PSORS1C1: variants seen among roughly 807,000 people sequenced by gnomAD.
The protein encoded by PSORS1C1 is psoriasis susceptibility 1 candidate 1, also known as psoriasis susceptibility 1 candidate gene 1 protein.
In PSORS1C1, 7 loss-of-function variants were observed where a neutral mutation model predicts 9.4. That is an observed-to-expected ratio of 0.75 (90% CI 0.42 to 1.40). The LOEUF (loss-of-function observed/expected upper bound fraction) is 1.40, where lower values mean the gene tolerates loss of function less well. Ranked by LOEUF, PSORS1C1 falls within the 40% of genes most tolerant of loss-of-function variation. The pLI is 0.01. For synonymous variants in PSORS1C1, 63 were observed against 69.4 expected (o/e 0.91, Z 0.46); for missense variants, 146 against 178.1 (o/e 0.82, Z 1.02).
intron 1 of PSORS1C1, chr6:31,116,131 G>A (rs748019758): frequency 6.2e-7 from 1 of 1,611,024 alleles, no homozygotes; most frequent in Non-Finnish European, 8.5e-7. Context: ...GGAGCGGCAG[G>A]GGATCTTTCC....
In PSORS1C1 at chr6:31,139,503, G is replaced by T; in HGVS notation, c.168-138G>T. ...TGCTTTTCAAACCTGGGATGCAGCT[G>T]GGACAGTGTCAGCTACTACCCCAGC... is the stretch of plus-strand genomic sequence containing the variant. On this transcript the variant is annotated intron_variant, in intron 5 of 5. Coordinates refer to ENST00000259881, the MANE Select transcript of PSORS1C1 (RefSeq NM_014068.3). This position sits in a 1 kb window ranked among gnomAD's most constrained non-coding sequence, Gnocchi z 5.2. 1.3e-6 allele frequency: 1 copy of T among 753,502 alleles called. No homozygotes were observed. Among genetic ancestry groups the T allele is most frequent in the South Asian group, 1.8e-5 (1 of 55,188 alleles). The allele number at this position is 753,502 out of a possible 1,614,324, so 46.7% of individuals were successfully genotyped here. A position where few individuals can be genotyped will look rare whatever the true frequency, so the allele number is the denominator to read the frequency against.
At chr6:31,132,101 G>A (rs571423172) in intron 3 of PSORS1C1, among the ~76,000 whole-genome samples, 6 of 152,258 alleles carry the variant, frequency 3.9e-5, no homozygotes, top group Admixed American at 3.3e-4. Flanking sequence ...TTAGCCAGAC[G>A]TGGTGGCATG....
Position 31,116,745 on chromosome 6 carries a change from G to A in PSORS1C1, c.-229+1854G>A, listed in dbSNP as rs747535254. Reference sequence around the variant, plus strand: ...CCACCTCGTAGCCACCATAGGATTTGTCTACAGAGGTGATTGGGGGACAGG... The same window carrying A: ...CCACCTCGTAGCCACCATAGGATTTATCTACAGAGGTGATTGGGGGACAGG... On this transcript the variant is annotated intron_variant, in intron 1 of 5. Coordinates refer to ENST00000259881, the MANE Select transcript of PSORS1C1 (RefSeq NM_014068.3). The A allele has an allele frequency of 5.0e-6, 8 of 1,612,932 alleles. No homozygotes were observed. The African/African-American group carries it at 1.1e-4, about 22-fold the overall frequency.
chr6:31,129,430 G>A (rs1356895100), intron 2 of PSORS1C1, 139 bp from the exon 3 acceptor site: 1 of 601,474 alleles, frequency 1.7e-6, no homozygotes, highest in African/African-American at 1.9e-5. Flanking sequence ...ATACCATCCA[G>A]GCCCACTCAG....
rs1356949050 is a variant in PSORS1C1, at chr6:31,128,067, T to C, written c.-64-1502T>C. On this transcript the variant is annotated intron_variant, in intron 2 of 5. Transcript: ENST00000259881. This position sits in a 1 kb window ranked among gnomAD's most constrained non-coding sequence, Gnocchi z 4.3. ...CAGGGAGAGAATGTGTAAATGATGATCGTGAGGTCCACTTGGACAGGCAGC... is the reference window on the plus strand; with the variant it reads ...CAGGGAGAGAATGTGTAAATGATGACCGTGAGGTCCACTTGGACAGGCAGC... 3.3e-5 allele frequency among the ~76,000 whole-genome samples: 5 copies of C among 152,164 alleles called. No homozygotes were observed. Among genetic ancestry groups the C allele is most frequent in the Admixed American group, 1.3e-4 (2 of 15,278 alleles).
rs896643491 is a variant in PSORS1C1, at chr6:31,115,986, T to C, written c.-229+1095T>C. 3 of 1,566,838 alleles carry C rather than the reference T, an allele frequency of 1.9e-6. No individual in the cohort carries two copies. Among genetic ancestry groups the C allele is most frequent in the Admixed American group, 1.7e-5 (1 of 59,800 alleles). On this transcript the variant is annotated intron_variant, in intron 1 of 5. Transcript: ENST00000259881. The surrounding 1 kb of genome is among the most constrained non-coding windows in gnomAD (Gnocchi z 4.2). ...ATATGGGATATAGTGTATGTGCTTG[T>C]TTGTGCCCAAGGCATGCACACACAC...
At position 31,139,554 on chromosome 6, in the gene PSORS1C1, G is replaced by A. The variant is rs763378142; in HGVS notation, c.168-87G>A. On this transcript the variant is annotated intron_variant, in intron 5 of 5. Transcript: ENST00000259881. This position sits in a 1 kb window ranked among gnomAD's most constrained non-coding sequence, Gnocchi z 5.2. ...CTCCCCACTCACCCCCGCACTGAAA[G>A]CTCCCCCTGGGGCTTCGTGCTTTCC... is the stretch of plus-strand genomic sequence containing the variant. 1 of 1,370,342 alleles carries A rather than the reference G, an allele frequency of 7.3e-7. No homozygotes were observed. Among genetic ancestry groups the A allele is most frequent in the Non-Finnish European group, 1.0e-6 (1 of 999,864 alleles). The allele number at this position is 1,370,342 out of a possible 1,614,324, so 84.9% of individuals were successfully genotyped here.
At chr6:31,126,377 G>T (rs9263701) in intron 2 of PSORS1C1, among the ~76,000 whole-genome samples, 36,890 of 152,084 alleles carry the variant, frequency 0.24, 4,810 homozygotes, top group Middle Eastern at 0.37. Flanking sequence ...AACCCTAGGG[G>T]GTTCTGTTAG....
chr6:31,138,099 C>A, intron 3 of PSORS1C1: 1 of 1,599,822 alleles, frequency 6.3e-7, no homozygotes, highest in Non-Finnish European at 8.5e-7. Context: ...AGGATCCGTT[C>A]TAGGCGGTTC....
chr6:31,117,111 G>GAAGCTGCTGCTGCTGAACTGA, intron 1 of PSORS1C1: 1 of 1,614,134 alleles, frequency 6.2e-7, no homozygotes, highest in Non-Finnish European at 8.5e-7. Flanking sequence ...TCCCTACTTG[G>GAAGCTGCTGCTGCTGAACTGA]AAGCTGCTGC....
chr6:31,117,165 G>C, intron 1 of PSORS1C1: 1 of 1,613,554 alleles, frequency 6.2e-7, no homozygotes. Context: ...GAGAGCTGCT[G>C]CTTCCCGAGT....
At chr6:31,119,670 G>A (rs889568963) in intron 1 of PSORS1C1, among the ~76,000 whole-genome samples, 14 of 152,164 alleles carry the variant, frequency 9.2e-5, no homozygotes, top group African/African-American at 1.9e-4. Flanking sequence ...AGGCTGAGGC[G>A]AGCGGATCAC....
chr6:31,138,339 G>C, intron 3 of PSORS1C1, 91 bp from the exon 4 acceptor site: 2 of 1,607,982 alleles, frequency 1.2e-6, no homozygotes, highest in Non-Finnish European at 8.5e-7. Context: ...GTAAGAGGTG[G>C]TGAGGGCTTC....
At position 31,115,933 on chromosome 6, in the gene PSORS1C1, C is replaced by T; in HGVS notation, c.-229+1042C>T. ...TTGGGAAGGAGGGAAACTGAGCTAA[C>T]CCTATGCCTGGGCACTGGACTTCTC... is the stretch of plus-strand genomic sequence containing the variant. On this transcript the variant is annotated intron_variant, in intron 1 of 5. Transcript: ENST00000259881. The surrounding 1 kb of genome is among the most constrained non-coding windows in gnomAD (Gnocchi z 4.2). The T allele has an allele frequency of 8.6e-7, 1 of 1,167,994 alleles. No homozygotes were observed. Among genetic ancestry groups the T allele is most frequent in the South Asian group, 1.3e-5 (1 of 79,430 alleles). 72.4% of individuals were successfully genotyped at this position (1,167,994 alleles called of 1,614,324 possible).
intron 1 of PSORS1C1, among the ~76,000 whole-genome samples, chr6:31,121,347 C>T (rs1239241033): frequency 6.6e-6 from 1 of 152,164 alleles, no homozygotes; most frequent in Non-Finnish European, 1.5e-5. Context: ...GTGGTGGCCC[C>T]ATAGCCCATC....
In PSORS1C1 at chr6:31,139,913, G is replaced by A. The variant is rs750573525; in HGVS notation, c.440G>A (p.Gly147Asp). The A allele has an allele frequency of 2.5e-6, 4 of 1,612,116 alleles. No homozygotes were observed. In the African/African-American group the frequency reaches 5.4e-5, roughly 22 times the overall value. The part of the protein sequence containing the change: ...YSSPPSHSPF[G>D]LSSLI ...TCTCCTCCCTCCCATTCTCCTTTTG[G>A]TCTCAGCTCCTTGATCTAAGCCTCC... Residue 147 changes from glycine (G) to aspartate (D), a missense_variant, in exon 6 of 6, where the codon GGT becomes GAT. Transcript: ENST00000259881. This position sits in a 1 kb window ranked among gnomAD's most constrained non-coding sequence, Gnocchi z 5.2.
Position 31,115,941 on chromosome 6 carries a change from C to T in PSORS1C1, c.-229+1050C>T. 2 of 1,251,572 alleles carry T rather than the reference C, an allele frequency of 1.6e-6. No homozygotes were observed. Among genetic ancestry groups the T allele is most frequent in the Non-Finnish European group, 2.3e-6 (2 of 857,686 alleles). 77.5% of individuals were successfully genotyped at this position (1,251,572 alleles called of 1,614,324 possible). ...GAGGGAAACTGAGCTAACCCTATGC[C>T]TGGGCACTGGACTTCTCCCATATGG... On this transcript the variant is annotated intron_variant, in intron 1 of 5. Transcript: ENST00000259881. This position sits in a 1 kb window ranked among gnomAD's most constrained non-coding sequence, Gnocchi z 4.2.
intron 1 of PSORS1C1, among the ~76,000 whole-genome samples, chr6:31,124,594 A>G (rs1374025708): frequency 3.3e-5 from 5 of 152,254 alleles, no homozygotes; most frequent in African/African-American, 1.2e-4. Context: ...GTTCATGGAC[A>G]GGCTTAAGAG....
At position 31,128,973 on chromosome 6, in the gene PSORS1C1, TG is replaced by T. The variant is rs1426780076; in HGVS notation, c.-64-595del. The stretch of plus-strand genomic sequence containing the variant: ...CACAGAGCAGATGCTCAATGAATGT[TG>T]ATTGTGTGGGCAAATGGATGAACAA... On this transcript the variant is annotated intron_variant, in intron 2 of 5. Coordinates refer to ENST00000259881, the MANE Select transcript of PSORS1C1 (RefSeq NM_014068.3). The surrounding 1 kb of genome is among the most constrained non-coding windows in gnomAD (Gnocchi z 4.3). Among the ~76,000 whole-genome samples, 4 of 152,192 alleles carry T rather than the reference TG, an allele frequency of 2.6e-5. No individual in the cohort carries two copies. The highest frequency in any genetic ancestry group is 9.6e-5 in the African/African-American group (4 of 41,452).
Sources: gnomAD v4.1 joint callset for allele counts (sites outside exome capture counted in the v4.1 genomes callset) on GRCh38, gnomAD v4.1.1 for gene constraint, Gnocchi (gnomAD v3.1) non-coding constraint, MANE v1.5 for transcripts, NCBI Gene and HGNC (gene_info 2026-07-23, HGNC 2026-07-21) for gene names.